The following HACD4 variants were observed in gnomAD, a reference collection of about 807,000 sequenced individuals.
HACD4 encodes the protein 3-hydroxyacyl-CoA dehydratase 4, also known as very-long-chain (3R)-3-hydroxyacyl-CoA dehydratase 4.
HACD4 carries 35 observed loss-of-function variants against 33.3 expected under a neutral mutation model. The observed-to-expected ratio is 1.05, with a 90% CI of 0.80 to 1.39. HACD4 has a LOEUF of 1.39. Among genes scored for constraint, HACD4 ranks in the 40% most tolerant of loss-of-function variants. HACD4 has a pLI of 0.00. For missense variants in HACD4, 323 were observed against 276.5 expected (o/e 1.17, Z -1.19); for synonymous variants, 118 against 98.0 (o/e 1.20, Z -1.21).
Position 21,001,962 on chromosome 9 carries a change from G to C in HACD4, c.*5075C>G, listed in dbSNP as rs1398018976. ...GGATCTCAGTAAAGAAAAATACATG[G>C]GCAATTATAAAATCTAGTACTTTTG... On this transcript the variant is annotated 3_prime_UTR_variant, in exon 7 of 7. Coordinates refer to ENST00000495827, the MANE Select transcript of HACD4 (RefSeq NM_001010915.5). The C allele has an allele frequency of 6.6e-6, 1 of 151,942 alleles. No homozygotes were observed. Among genetic ancestry groups the C allele is most frequent in the Non-Finnish European group, 1.5e-5 (1 of 67,934 alleles). The allele number at this position is 151,942 out of a possible 1,614,324, so 9.4% of individuals were successfully genotyped here.
chr9:21,010,239 C>G (rs1842379634), intron 5 of HACD4, among the ~76,000 whole-genome samples: 1 of 152,150 alleles, frequency 6.6e-6, no homozygotes, highest in African/African-American at 2.4e-5. Flanking sequence ...CCTTACCAGT[C>G]TACCAAATCC....
At chr9:21,020,602 G>C (rs1205802017) in intron 3 of HACD4, among the ~76,000 whole-genome samples, 1 of 152,136 alleles carries the variant, frequency 6.6e-6, no homozygotes, top group African/African-American at 2.4e-5. Context: ...AGCTAATAAA[G>C]TTTGCAAGCT....
intron 4 of HACD4, among the ~76,000 whole-genome samples, chr9:21,013,578 A>G (rs934532985): frequency 6.6e-6 from 1 of 152,232 alleles, no homozygotes; most frequent in Non-Finnish European, 1.5e-5. Flanking sequence ...CACTGAATCT[A>G]CAGATCAATT....
chr9:21,007,107 G>A lies in HACD4; in HGVS notation c.629C>T (p.Thr210Ile), dbSNP rs537377624. The A allele has an allele frequency of 2.6e-6, 4 of 1,532,002 alleles. No individual in the cohort carries two copies. In the South Asian group the frequency reaches 4.5e-5, roughly 17 times the overall value. The allele number at this position is 1,532,002 out of a possible 1,614,324, so 94.9% of individuals were successfully genotyped here. A position where few individuals can be genotyped will look rare whatever the true frequency, so the allele number is the denominator to read the frequency against. The change falls in exon 7 of 7, where the codon ACC (threonine) becomes ATC (isoleucine). Residue 210 changes from threonine to isoleucine, a missense_variant. Coordinates refer to ENST00000495827, the MANE Select transcript of HACD4 (RefSeq NM_001010915.5). The part of the protein sequence containing the change: ...LMMLFIGMYF[T>I]YSHLYSERRD... ...TCTTTCTGAGTATAGATGACTGTAG[G>A]TAAAATACATACCTAATATGGAGAA...
chr9:21,019,787 A>G (rs1194713114), intron 3 of HACD4, among the ~76,000 whole-genome samples: 1 of 152,124 alleles, frequency 6.6e-6, no homozygotes, highest in Non-Finnish European at 1.5e-5. Context: ...ACTGTCTTTT[A>G]TAGTTTCTTC....
Position 21,007,031 on chromosome 9 carries a change from T to C in HACD4, c.*6A>G. 1 of 1,499,754 alleles carries C rather than the reference T, an allele frequency of 6.7e-7. No individual in the cohort carries two copies. The highest frequency in any genetic ancestry group is 1.1e-5 in the South Asian group (1 of 88,654). 92.9% of individuals were successfully genotyped at this position (1,499,754 alleles called of 1,614,324 possible). ...CTTTTCTCGTGTCACACTGGAATGC[T>C]GTACTTCACATCTTCTTTTTTTTAA... On this transcript the variant is annotated 3_prime_UTR_variant, in exon 7 of 7. Transcript: ENST00000495827.
chr9:21,026,492 A>G, intron 3 of HACD4, 104 bp downstream of exon 3: 1 of 891,670 alleles, frequency 1.1e-6, no homozygotes, highest in Admixed American at 2.3e-5. Flanking sequence ...CAGTGACCTA[A>G]GACAAGGGTT....
chr9:21,018,536 A>T (rs566302103), intron 3 of HACD4, among the ~76,000 whole-genome samples: 4 of 152,180 alleles, frequency 2.6e-5, no homozygotes, highest in Admixed American at 2.0e-4. Context: ...ACACCAAAAC[A>T]ATTTTGAAGA....
At chr9:21,021,385 C>T (rs976417422) in intron 3 of HACD4, among the ~76,000 whole-genome samples, 51 of 152,090 alleles carry the variant, frequency 3.4e-4, no homozygotes, top group Non-Finnish European at 5.1e-4. Context: ...CCAGGGCAAT[C>T]AGGCAGGAGA....
intron 4 of HACD4, among the ~76,000 whole-genome samples, chr9:21,013,633 G>T (rs1414845015): frequency 6.6e-6 from 1 of 152,172 alleles, no homozygotes; most frequent in African/African-American, 2.4e-5. Flanking sequence ...TCCAAGTCAT[G>T]TGGGATGTCC....
intron 4 of HACD4, among the ~76,000 whole-genome samples, chr9:21,012,451 T>C (rs1005135534): frequency 2.6e-5 from 4 of 152,102 alleles, no homozygotes; most frequent in African/African-American, 9.7e-5. Context: ...AGACAGACAA[T>C]AAATACATAT....
intron 3 of HACD4, among the ~76,000 whole-genome samples, chr9:21,019,076 C>T (rs897147223): frequency 1.3e-5 from 2 of 152,060 alleles, no homozygotes; most frequent in African/African-American, 4.8e-5. Flanking sequence ...TCAAAAACTA[C>T]CAATTACATG....
chr9:21,024,831 A>ATTTC (rs1818021845), intron 3 of HACD4, among the ~76,000 whole-genome samples: 2 of 152,214 alleles, frequency 1.3e-5, no homozygotes, highest in African/African-American at 4.8e-5. Flanking sequence ...ACCAATAGAA[A>ATTTC]ACATAACTGA....
intron 3 of HACD4, among the ~76,000 whole-genome samples, chr9:21,020,334 A>G (rs1453194565): frequency 6.6e-6 from 1 of 152,172 alleles, no homozygotes; most frequent in African/African-American, 2.4e-5. Flanking sequence ...TAATCTATTA[A>G]GGGTTTCCTA....
rs1842153397 is a variant in HACD4, at chr9:21,000,635, A to G, written c.*6402T>C. The G allele has an allele frequency of 1.3e-5, 2 of 152,162 alleles. No homozygotes were observed. The highest frequency in any genetic ancestry group is 2.9e-5 in the Non-Finnish European group (2 of 68,002). The allele number at this position is 152,162 out of a possible 1,614,324, so 9.4% of individuals were successfully genotyped here. A position where few individuals can be genotyped will look rare whatever the true frequency, so the allele number is the denominator to read the frequency against. ...CCATGTCATATCAACATTAGCATAT[A>G]ACTCAGACCGAGAAGAATATTAAAA... On this transcript the variant is annotated 3_prime_UTR_variant, in exon 7 of 7. Coordinates refer to ENST00000495827, the MANE Select transcript of HACD4 (RefSeq NM_001010915.5).
chr9:21,003,006 C>T lies in HACD4; in HGVS notation c.*4031G>A, dbSNP rs1170519895. ...TACTTAAGTAGAAAAAGAAATTACA[C>T]CTTTATTTTCACTAATTGATAATGA... On this transcript the variant is annotated 3_prime_UTR_variant, in exon 7 of 7. Coordinates refer to ENST00000495827, the MANE Select transcript of HACD4 (RefSeq NM_001010915.5). The T allele has an allele frequency of 3.9e-5, 6 of 152,080 alleles. No homozygotes were observed. Among genetic ancestry groups the T allele is most frequent in the African/African-American group, 1.4e-4 (6 of 41,418 alleles). The allele number at this position is 152,080 out of a possible 1,614,324, so 9.4% of individuals were successfully genotyped here. A position where few individuals can be genotyped will look rare whatever the true frequency, so the allele number is the denominator to read the frequency against.
intron 5 of HACD4, 144 bp downstream of exon 5, chr9:21,011,445 A>T (rs575916838): frequency 3.1e-6 from 2 of 644,730 alleles, no homozygotes; most frequent in South Asian, 3.4e-5. Flanking sequence ...GCCTCTTTGC[A>T]TCAAGGGAAA....
In HACD4 at chr9:21,029,310, A is replaced by G; in HGVS notation, c.127T>C (p.Phe43Leu). ...WIFTNMTVRF[F>L]SFGKDSMVDT... ...GGAGTTTTACCTTTTCCAAATGAAA[A>G]GAATCTGACTGTCATATTTGTAAAT... The change falls in exon 2 of 7, where the codon TTT becomes CTT. Residue 43 changes from phenylalanine to leucine, a missense_variant. By Grantham distance (22) the Phe-to-Leu change is conservative. Transcript: ENST00000495827. 1.3e-6 allele frequency: 2 copies of G among 1,577,366 alleles called. No individual in the cohort carries two copies. The highest frequency in any genetic ancestry group is 1.7e-6 in the Non-Finnish European group (2 of 1,154,542).
At chr9:21,028,339 A>G (rs1274172358) in intron 2 of HACD4, among the ~76,000 whole-genome samples, 1 of 152,172 alleles carries the variant, frequency 6.6e-6, no homozygotes. Flanking sequence ...TAATAAAAAT[A>G]TAAAAGAAGT....
Sources: allele counts gnomAD v4.1 joint callset (sites outside exome capture counted in the v4.1 genomes callset), GRCh38; gene constraint gnomAD v4.1.1; transcripts MANE v1.5; gene names NCBI Gene and HGNC (gene_info 2026-07-23, HGNC 2026-07-21).